The following GPATCH2 variants were observed in gnomAD, a reference collection of about 807,000 sequenced individuals.
GPATCH2 encodes G patch domain-containing protein 2.
In GPATCH2, 51 loss-of-function variants were observed where a neutral mutation model predicts 58.0. The ratio of observed to expected loss-of-function variants is 0.88; its 90% CI spans 0.70 to 1.11. The LOEUF is 1.11. Among genes scored for constraint, GPATCH2 ranks in the 50% most tolerant of loss-of-function variants. The probability of loss-of-function intolerance (pLI) is 0.00; values close to 1 mark genes in which losing one functional copy is unlikely to be tolerated. For synonymous variants in GPATCH2, 222 were observed against 218.5 expected, an observed-to-expected ratio of 1.02 and a Z score of -0.14; for missense variants, 625 against 652.2, an observed-to-expected ratio of 0.96 and a Z score of 0.45.
chr1:217,447,301 G>T (rs1659435200), intron 9 of GPATCH2, among the ~76,000 whole-genome samples: 1 of 152,102 alleles, frequency 6.6e-6, no homozygotes, highest in South Asian at 2.1e-4. Flanking sequence ...TATGCAATAG[G>T]ACAATCTTTA....
At chr1:217,560,936 C>G (rs1367253248) in intron 5 of GPATCH2, among the ~76,000 whole-genome samples, 1 of 152,122 alleles carries the variant, frequency 6.6e-6, no homozygotes, top group Non-Finnish European at 1.5e-5. Flanking sequence ...TTGGCATAGA[C>G]AGTGGTAAGT....
At chr1:217,441,869 T>C (rs1365794218) in intron 9 of GPATCH2, among the ~76,000 whole-genome samples, 4 of 152,094 alleles carry the variant, frequency 2.6e-5, no homozygotes, top group Non-Finnish European at 4.4e-5. Flanking sequence ...TGTGGAGAAA[T>C]AGGAACACTT....
chr1:217,429,276 A>C lies in GPATCH2; in HGVS notation c.*1869T>G, dbSNP rs1658433510. ...TAAAAAACTTGTAGAAAGTAATGAT[A>C]CCATGGGGTTACTTTATCCAGTAAG... On this transcript the variant is annotated 3_prime_UTR_variant, in exon 10 of 10. Transcript: ENST00000366935. The C allele has an allele frequency of 6.6e-6, 1 of 152,216 alleles. No individual in the cohort carries two copies. The highest frequency in any genetic ancestry group is 2.4e-5 in the African/African-American group (1 of 41,452). The allele number at this position is 152,216 out of a possible 1,614,324, so 9.4% of individuals were successfully genotyped here.
chr1:217,577,203 AT>A (rs1666847902), intron 5 of GPATCH2, among the ~76,000 whole-genome samples: 2 of 152,220 alleles, frequency 1.3e-5, no homozygotes, highest in Non-Finnish European at 2.9e-5. Context: ...CCTTACCCTA[AT>A]TTAAGGGAGA....
In GPATCH2 at chr1:217,584,344, A is replaced by AATATATATATATATAT. The variant is rs71556690; in HGVS notation, c.1098+25961_1098+25976dup. Among the ~76,000 whole-genome samples the AATATATATATATATAT allele has an allele frequency of 2.9e-4, 29 of 101,716 alleles. No individual in the cohort carries two copies. In the East Asian group the frequency reaches 3.1e-3, roughly 11 times the overall value. 66.7% of individuals were successfully genotyped at this position (101,716 alleles called of 152,430 possible). Reference sequence around the variant, plus strand: ...CTCACCTCTACTAAAAAAAAAAAAAAATATATATATATATATATATACACA... The same window carrying AATATATATATATATAT: ...CTCACCTCTACTAAAAAAAAAAAAAAATATATATATATATATATATATATATATATATATATACACA... On this transcript the variant is annotated intron_variant, in intron 5 of 9. Coordinates refer to ENST00000366935, the MANE Select transcript of GPATCH2 (RefSeq NM_018040.5).
intron 5 of GPATCH2, among the ~76,000 whole-genome samples, chr1:217,547,668 C>T (rs762325330): frequency 2.0e-5 from 3 of 152,150 alleles, no homozygotes; most frequent in African/African-American, 7.2e-5. Flanking sequence ...CACACAGACA[C>T]CATGGAATAC....
Position 217,430,864 on chromosome 1 carries a change from C to T in GPATCH2, c.*281G>A, listed in dbSNP as rs887398005. On this transcript the variant is annotated 3_prime_UTR_variant, in exon 10 of 10. Coordinates refer to ENST00000366935, the MANE Select transcript of GPATCH2 (RefSeq NM_018040.5). The stretch of plus-strand genomic sequence containing the variant: ...AGCAAAGCATCGGAAAGTATTGACA[C>T]ATGAGACTAAAATAAATAAGAGAAA... 8.7e-6 allele frequency: 4 copies of T among 458,264 alleles called. No homozygotes were observed. In the Admixed American group the frequency reaches 1.1e-4, roughly 13 times the overall value. 28.4% of individuals were successfully genotyped at this position (458,264 alleles called of 1,614,324 possible). A position where few individuals can be genotyped will look rare whatever the true frequency, so the allele number is the denominator to read the frequency against.
Position 217,630,922 on chromosome 1 carries a change from T to C in GPATCH2, c.50A>G (p.Asn17Ser). The change falls in exon 1 of 10, where the codon AAC (asparagine) becomes AGC (serine). Residue 17 changes from asparagine (N) to serine (S), a missense_variant. Coordinates refer to ENST00000366935, the MANE Select transcript of GPATCH2 (RefSeq NM_018040.5). Reference sequence around the variant, plus strand: ...CCAGGGCCGCCAGCCTCACCAGCTGTTCCCGGCTGCTGGAGCTCCGATCGG... The same window carrying C: ...CCAGGGCCGCCAGCCTCACCAGCTGCTCCCGGCTGCTGGAGCTCCGATCGG... ...RQPIGAPAAGNSWHFSRTMEE... is the reference protein window; with the variant it reads ...RQPIGAPAAGSSWHFSRTMEE... The C allele has an allele frequency of 6.3e-7, 1 of 1,589,302 alleles. No homozygotes were observed. The highest frequency in any genetic ancestry group is 8.5e-7 in the Non-Finnish European group (1 of 1,172,818).
At position 217,620,313 on chromosome 1, in the gene GPATCH2, C is replaced by T. The variant is rs202152241; in HGVS notation, c.243G>A (p.Pro81=). ...CACTTAAGCAGTGACCAGTCTCCCA[C>T]GGGTGATGCACATTATACGACCTCC... The part of the protein sequence containing the change: ...RKRRSYNVHH[P]WETGHCLSEG... The change falls in exon 2 of 10, where the codon CCG becomes CCA. Residue 81 remains proline, a synonymous_variant. Coordinates refer to ENST00000366935, the MANE Select transcript of GPATCH2 (RefSeq NM_018040.5). 1.5e-4 allele frequency: 241 copies of T among 1,613,972 alleles called. No homozygotes were observed. The highest frequency in any genetic ancestry group is 3.3e-4 in the Middle Eastern group (2 of 6,084).
At chr1:217,483,611 G>T (rs991163893) in intron 8 of GPATCH2, among the ~76,000 whole-genome samples, 1 of 152,126 alleles carries the variant, frequency 6.6e-6, no homozygotes, top group Admixed American at 6.5e-5. Flanking sequence ...TAACATTTTA[G>T]GAAACTTCAA....
chr1:217,547,090 G>A (rs537111320), intron 5 of GPATCH2, among the ~76,000 whole-genome samples: 2 of 152,244 alleles, frequency 1.3e-5, no homozygotes, highest in Non-Finnish European at 2.9e-5. Flanking sequence ...CAAGCCAGGC[G>A]TGGTGGCTCA....
chr1:217,556,967 G>A (rs1004302876), intron 5 of GPATCH2, among the ~76,000 whole-genome samples: 1 of 152,142 alleles, frequency 6.6e-6, no homozygotes, highest in African/African-American at 2.4e-5. Context: ...CATGTTTATA[G>A]ATCAGTTGTG....
At chr1:217,541,586 TC>T (rs1241333354) in intron 5 of GPATCH2, among the ~76,000 whole-genome samples, 1 of 152,126 alleles carries the variant, frequency 6.6e-6, no homozygotes, top group African/African-American at 2.4e-5. Flanking sequence ...CATTTTTTTT[TC>T]CAGCAATTTC....
At chr1:217,584,782 T>C (rs897388401) in intron 5 of GPATCH2, among the ~76,000 whole-genome samples, 8 of 151,686 alleles carry the variant, frequency 5.3e-5, no homozygotes, top group African/African-American at 1.9e-4. Context: ...GTTAGAAAAA[T>C]AAAAGTATGG....
intron 1 of GPATCH2, among the ~76,000 whole-genome samples, chr1:217,621,610 G>A (rs1166831977): frequency 1.3e-5 from 2 of 152,190 alleles, no homozygotes; most frequent in African/African-American, 4.8e-5. Flanking sequence ...GGGTATGGCT[G>A]TGTTCTAATA....
intron 2 of GPATCH2, 111 bp downstream of exon 2, chr1:217,619,672 A>G: frequency 4.4e-6 from 2 of 450,570 alleles, no homozygotes; most frequent in Non-Finnish European, 7.6e-6. Flanking sequence ...TAATATCACT[A>G]TCATTATTAC....
At chr1:217,453,165 T>C (rs1463496271) in intron 8 of GPATCH2, among the ~76,000 whole-genome samples, 3 of 152,254 alleles carry the variant, frequency 2.0e-5, no homozygotes, top group Non-Finnish European at 4.4e-5. Flanking sequence ...GCAGAACATT[T>C]GGAATACTAC....
At chr1:217,509,491 G>A (rs949285258) in intron 6 of GPATCH2, among the ~76,000 whole-genome samples, 4 of 152,152 alleles carry the variant, frequency 2.6e-5, no homozygotes, top group African/African-American at 4.8e-5. Flanking sequence ...TTCTGGTGGT[G>A]ATTTGTCTTA....
chr1:217,478,090 T>C (rs2102512968), intron 8 of GPATCH2, among the ~76,000 whole-genome samples: 1 of 152,330 alleles, frequency 6.6e-6, no homozygotes. Context: ...ACCACAGTGT[T>C]ACTGTTCTTG....
Sources: gnomAD v4.1 joint callset for allele counts (sites outside exome capture counted in the v4.1 genomes callset) on GRCh38, gnomAD v4.1.1 for gene constraint, MANE v1.5 for transcripts, NCBI Gene and HGNC (gene_info 2026-07-23, HGNC 2026-07-21) for gene names.